Variants in WDR87 observed in about 807,000 individuals in gnomAD.
WDR87 encodes WD repeat domain 87.
In WDR87, 56 loss-of-function variants were observed where a neutral mutation model predicts 83.3. That is an observed-to-expected ratio of 0.67 (90% CI 0.54 to 0.84). The LOEUF is 0.84. Ranked by LOEUF, WDR87 falls within the 40% of genes least tolerant of loss-of-function variation. WDR87 has a pLI of 0.00. For synonymous variants in WDR87, 1,173 were observed against 1,250.6 expected, an observed-to-expected ratio of 0.94 and a Z score of 1.31; for missense variants, 2,939 against 3,431.9, an observed-to-expected ratio of 0.86 and a Z score of 3.59.
At chr19:37,902,223 T>A (rs2046297956) in intron 1 of WDR87, among the ~76,000 whole-genome samples, 2 of 152,054 alleles carry the variant, frequency 1.3e-5, no homozygotes, top group African/African-American at 4.8e-5. Context: ...TTTCCTTTTT[T>A]ATTTTTTTTG....
At chr19:37,892,338 C>T (rs550163701) in intron 4 of WDR87, among the ~76,000 whole-genome samples, 28 of 152,012 alleles carry the variant, frequency 1.8e-4, no homozygotes, top group African/African-American at 6.5e-4. Flanking sequence ...GAGCCAAGAT[C>T]GCGCCACTAC....
chr19:37,887,973 G>A lies in WDR87; in HGVS notation c.5698C>T (p.Leu1900Phe), dbSNP rs919519263. ...EKLAQRKENL[L>F]YNKERLTHSK... ...TGGGTGAGTCTTTCTTTATTATAGAGTAGGTTCTCTTTCCTCTGAGCCAAT... is the reference window on the plus strand; with the variant it reads ...TGGGTGAGTCTTTCTTTATTATAGAATAGGTTCTCTTTCCTCTGAGCCAAT... The change falls in exon 6 of 6, where the codon CTC becomes TTC. Residue 1900 changes from leucine to phenylalanine, a missense_variant. By Grantham distance (22) the Leu-to-Phe change is conservative. Coordinates refer to ENST00000447313, the MANE Select transcript of WDR87 (RefSeq NM_001291088.2). 8.4e-6 allele frequency: 13 copies of A among 1,550,298 alleles called. No homozygotes were observed. In the African/African-American group the frequency reaches 1.2e-4, roughly 15 times the overall value.
rs1568455422 is a variant in WDR87, at chr19:37,896,254, C to G, written c.130G>C (p.Val44Leu). Residue 44 changes from valine (V) to leucine (L), a missense_variant, in exon 3 of 6, where the codon GTA becomes CTA. This residue lies in a region of WDR87 where 226 missense variants were observed against 320.9 expected (regional missense o/e 0.70). Transcript: ENST00000447313. ...GGATAGCGAGACTCTTTGAACAGTA[C>G]CTGGGACCGGTCACTCAGCACAATC... ...CLIVLSDRSQVLFKESRYPQN... is the reference protein window; with the variant it reads ...CLIVLSDRSQLLFKESRYPQN... 1.2e-5 allele frequency: 19 copies of G among 1,551,990 alleles called. No individual in the cohort carries two copies. The highest frequency in any genetic ancestry group is 1.7e-5 in the Non-Finnish European group (19 of 1,147,052).
intron 1 of WDR87, among the ~76,000 whole-genome samples, chr19:37,902,210 C>T (rs912012657): frequency 4.0e-5 from 6 of 151,700 alleles, no homozygotes; most frequent in Non-Finnish European, 7.4e-5. Context: ...TCTTTTATTT[C>T]TTTTTCCTTT....
chr19:37,886,515 CTTTT>C lies in WDR87; in HGVS notation c.7152_7155del (p.Glu2386AsnfsTer13), dbSNP rs908903048. 2.9e-5 allele frequency: 44 copies of C among 1,503,916 alleles called. No individual in the cohort carries two copies. Among genetic ancestry groups the C allele is most frequent in the Non-Finnish European group, 3.9e-5 (44 of 1,132,252 alleles). 93.2% of individuals were successfully genotyped at this position (1,503,916 alleles called of 1,614,324 possible). A position where few individuals can be genotyped will look rare whatever the true frequency, so the allele number is the denominator to read the frequency against. On this transcript the variant is annotated frameshift_variant, in exon 6 of 6. Transcript: ENST00000447313. LOFTEE classifies it low-confidence loss of function (END_TRUNC). The stretch of plus-strand genomic sequence containing the variant: ...TGTTCTTGTAACTTAAATTGTTTTT[CTTTT>C]TTTAAGATCTCTTTTTCCCTGTCCA...
intron 1 of WDR87, among the ~76,000 whole-genome samples, chr19:37,898,714 G>C (rs566290813): frequency 6.6e-6 from 1 of 152,188 alleles, no homozygotes. Flanking sequence ...GACACTTAAC[G>C]ACTGTAAGTG....
chr19:37,905,529 G>T (rs981024763), intron 1 of WDR87, among the ~76,000 whole-genome samples: 5 of 151,296 alleles, frequency 3.3e-5, no homozygotes, highest in African/African-American at 1.2e-4. Context: ...TGCATATGTG[G>T]CTTGCATTAC....
chr19:37,893,262 C>T lies in WDR87; in HGVS notation c.2441G>A (p.Arg814Gln), dbSNP rs549981450. ...QILRYYFGHG[R>Q]EWLFAPDCYI... ...GCAGTCAGGGGCAAAAAGCCATTCC[C>T]GCCCATGACCAAAGTAGTATCGCAA... Residue 814 changes from arginine to glutamine, a missense_variant, in exon 4 of 6, where the codon CGG becomes CAG. This residue lies in a region of WDR87 where 2,160 missense variants were observed against 2,533.1 expected (regional missense o/e 0.85). Coordinates refer to ENST00000447313, the MANE Select transcript of WDR87 (RefSeq NM_001291088.2). 1.7e-5 allele frequency: 26 copies of T among 1,551,804 alleles called. No homozygotes were observed. The highest frequency in any genetic ancestry group is 9.5e-5 in the South Asian group (8 of 84,064).
At chr19:37,892,008 T>C (rs1199693438) in intron 4 of WDR87, among the ~76,000 whole-genome samples, 188 bp from the exon 5 acceptor site, 3 of 151,338 alleles carry the variant, frequency 2.0e-5, no homozygotes, top group Non-Finnish European at 4.4e-5. Context: ...ATGAATGGAG[T>C]GATCTGTATT....
chr19:37,895,200 A>T lies in WDR87; in HGVS notation c.503T>A (p.Ile168Asn), dbSNP rs771871774. The T allele has an allele frequency of 1.3e-5, 20 of 1,551,594 alleles. No individual in the cohort carries two copies. The African/African-American group carries it at 2.7e-4, about 21-fold the overall frequency. Residue 168 changes from isoleucine to asparagine, a missense_variant, in exon 4 of 6, where the codon ATC becomes AAC. Around this residue, in one of 3 missense-constraint regions of WDR87, gnomAD observed 226 missense variants for 320.9 expected, o/e 0.70. Coordinates refer to ENST00000447313, the MANE Select transcript of WDR87 (RefSeq NM_001291088.2). ...DPEMKMLLSG[I>N]LGAVVTWVIE... is the part of the protein sequence containing the mutation. The stretch of plus-strand genomic sequence containing the variant: ...GACCCAGGTCACCACTGCCCCCAGG[A>T]TGCCAGACAGAAGCATCTTCATTTC...
At position 37,892,483 on chromosome 19, in the gene WDR87, CA is replaced by C. The variant is rs914115386; in HGVS notation, c.3125+94del. 6 of 1,175,038 alleles carry C rather than the reference CA, an allele frequency of 5.1e-6. No individual in the cohort carries two copies. The African/African-American group carries it at 7.8e-5, about 15-fold the overall frequency. The allele number at this position is 1,175,038 out of a possible 1,614,324, so 72.8% of individuals were successfully genotyped here. On this transcript the variant is annotated intron_variant, in intron 4 of 5. Coordinates refer to ENST00000447313, the MANE Select transcript of WDR87 (RefSeq NM_001291088.2). The stretch of plus-strand genomic sequence containing the variant: ...AAAGGCTATGAGAAAGAAGAAACAT[CA>C]GGGAGAATTAATGAACAGGGATGAA...
rs2145413748 is a variant in WDR87 at position 37,885,048 on chromosome 19, T to C, written c.8623A>G (p.Ile2875Val). 1 of 1,456,816 alleles carries C rather than the reference T, an allele frequency of 6.9e-7. No individual in the cohort carries two copies. The highest frequency in any genetic ancestry group is 2.7e-5 in the Admixed American group (1 of 36,908). 90.2% of individuals were successfully genotyped at this position (1,456,816 alleles called of 1,614,324 possible). A position where few individuals can be genotyped will look rare whatever the true frequency, so the allele number is the denominator to read the frequency against. ...PLPWQNCVRT[I>V]LPVGIARYGI... The stretch of plus-strand genomic sequence containing the variant: ...TACCGGGCAATGCCCACGGGAAGGA[T>C]GGTGCGCACACAGTTCTGCCATGGG... Residue 2875 changes from isoleucine to valine, a missense_variant, in exon 6 of 6, where the codon ATC becomes GTC. By Grantham distance (29) the Ile-to-Val change is conservative. Around this residue, in one of 3 missense-constraint regions of WDR87, gnomAD observed 2,160 missense variants for 2,533.1 expected, o/e 0.85. Transcript: ENST00000447313.
Position 37,886,872 on chromosome 19 carries a change from C to G in WDR87, c.6799G>C (p.Glu2267Gln), listed in dbSNP as rs1465518606. The change falls in exon 6 of 6, where the codon GAA (glutamate) becomes CAA (glutamine). Residue 2267 changes from glutamate to glutamine, a missense_variant. Coordinates refer to ENST00000447313, the MANE Select transcript of WDR87 (RefSeq NM_001291088.2). ...DEVESEEHFS[E>Q]EMESLLDELE... The stretch of plus-strand genomic sequence containing the variant: ...TCATCTAACAGGCTTTCCATTTCTT[C>G]AGAAAAATGCTCTTCACTTTCCACT... The G allele has an allele frequency of 6.4e-7, 1 of 1,551,330 alleles. No homozygotes were observed. Among genetic ancestry groups the G allele is most frequent in the African/African-American group, 1.4e-5 (1 of 72,990 alleles).
chr19:37,885,527 C>T lies in WDR87; in HGVS notation c.8144G>A (p.Ser2715Asn). The change falls in exon 6 of 6, where the codon AGT becomes AAT. Residue 2715 changes from serine to asparagine, a missense_variant. Transcript: ENST00000447313. The stretch of plus-strand genomic sequence containing the variant: ...TTGTTTTTCCACAGAGGCATGGGCA[C>T]TTGGAAAAATGTCTCTGGTGGCAGG... ...FYPATRDIFP[S>N]AHASVEKQTL... is the part of the protein sequence containing the mutation. 5.8e-6 allele frequency: 9 copies of T among 1,551,660 alleles called. No individual in the cohort carries two copies. Among genetic ancestry groups the T allele is most frequent in the East Asian group, 2.4e-5 (1 of 40,918 alleles).
At position 37,888,948 on chromosome 19, in the gene WDR87, G is replaced by A; in HGVS notation, c.4723C>T (p.Gln1575Ter). ...ENMLSSKSKE[Q>*]QYKDEEEVTL... ...ACTTCTTCCTCATCCTTGTACTGTT[G>A]CTCCTTGGACTTAGATGATAACATA... Residue 1575 changes from glutamine (Q) to a stop codon, truncating the protein, a stop_gained, in exon 6 of 6, where the codon CAA becomes TAA. Transcript: ENST00000447313. LOFTEE classifies it low-confidence loss of function (END_TRUNC). 1 of 1,551,734 alleles carries A rather than the reference G, an allele frequency of 6.4e-7. No individual in the cohort carries two copies. The highest frequency in any genetic ancestry group is 1.2e-5 in the South Asian group (1 of 84,034).
chr19:37,895,496 G>A (rs2046247419), intron 3 of WDR87, 40 bp from the exon 4 acceptor site: 4 of 1,521,514 alleles, frequency 2.6e-6, no homozygotes, highest in African/African-American at 1.4e-5. Context: ...GGCCGGGTGA[G>A]GTGGTTCATG....
chr19:37,894,102 A>G lies in WDR87; in HGVS notation c.1601T>C (p.Val534Ala), dbSNP rs1457044263. 7 of 1,552,364 alleles carry G rather than the reference A, an allele frequency of 4.5e-6. No individual in the cohort carries two copies. The highest frequency in any genetic ancestry group is 6.1e-6 in the Non-Finnish European group (7 of 1,147,154). The change falls in exon 4 of 6, where the codon GTG becomes GCG. Residue 534 changes from valine (V) to alanine (A), a missense_variant. Physicochemically the swap from Val to Ala is moderately conservative, Grantham distance 64 (BLOSUM62 0). This residue lies in a region of WDR87 where 553 missense variants were observed against 577.9 expected (regional missense o/e 0.96). Transcript: ENST00000447313. ...ATCAAGCACAGCTTCTGACAGGTGC[A>G]CATAGTCATCCATTCCATAGGAACA... ...LLCSYGMDDY[V>A]HLSEAVLDGV...
Position 37,886,138 on chromosome 19 carries a change from C to T in WDR87, c.7533G>A (p.Arg2511=), listed in dbSNP as rs1322203776. Residue 2511 remains arginine, a synonymous_variant, in exon 6 of 6, where the codon AGG becomes AGA. Transcript: ENST00000447313. ...GGAGTTCCTCAGCTTCCACGGTCCT[C>T]CTTAATATGTGGGACATAAATGGGG... The part of the protein sequence containing the change: ...LKTPFMSHIL[R]RTVEAEELQH... 1.3e-6 allele frequency: 2 copies of T among 1,551,718 alleles called. No individual in the cohort carries two copies. The highest frequency in any genetic ancestry group is 2.0e-5 in the Admixed American group (1 of 51,002).
intron 3 of WDR87, 41 bp from the exon 4 acceptor site, chr19:37,895,497 G>A (rs778944365): frequency 1.3e-6 from 2 of 1,521,936 alleles, no homozygotes; most frequent in South Asian, 2.5e-5. Flanking sequence ...GCCGGGTGAG[G>A]TGGTTCATGC....
Sources: allele counts gnomAD v4.1 joint callset (sites outside exome capture counted in the v4.1 genomes callset), GRCh38; gene constraint gnomAD v4.1.1; regional missense constraint gnomAD v4.1.1; transcripts MANE v1.5; gene names NCBI Gene and HGNC (gene_info 2026-07-23, HGNC 2026-07-21).